The following DYNC1H1 variants were observed in gnomAD, a reference collection of about 807,000 sequenced individuals.
The protein encoded by DYNC1H1 is dynein cytoplasmic 1 heavy chain 1.
Under a neutral mutation model 527.1 loss-of-function variants are expected in DYNC1H1, and 51 were observed. The observed-to-expected ratio is 0.10, with a 90% CI of 0.08 to 0.12. The LOEUF (loss-of-function observed/expected upper bound fraction) is 0.12. DYNC1H1 is among the 10% of genes least tolerant of loss of function. The pLI is 1.00. For missense variants in DYNC1H1, 2,771 were observed against 5,971.8 expected (o/e 0.46, Z 17.66); for synonymous variants, 2,189 against 2,278.8 (o/e 0.96, Z 1.12).
At position 101,983,672 on chromosome 14, in the gene DYNC1H1, G is replaced by GTT. The variant is rs368383689; in HGVS notation, c.1461+72_1461+73dup. The GTT allele has an allele frequency of 2.5e-4, 334 of 1,333,260 alleles. No individual in the cohort carries two copies. The highest frequency in any genetic ancestry group is 2.2e-3 in the African/African-American group (142 of 63,418). 82.6% of individuals were successfully genotyped at this position (1,333,260 alleles called of 1,614,324 possible). On this transcript the variant is annotated intron_variant, in intron 7 of 77. Coordinates refer to ENST00000360184, the MANE Select transcript of DYNC1H1 (RefSeq NM_001376.5). The surrounding 1 kb of genome is among the most constrained non-coding windows in gnomAD (Gnocchi z 5.3). ...GTTTTTGTTTTGTTTTTTGTTTGGT[G>GTT]TTTTTTTTTTGTTGTTGTTGTTGAG...
chr14:102,029,802 T>C lies in DYNC1H1; in HGVS notation c.9643-17T>C. On this transcript the variant is annotated splice_polypyrimidine_tract_variant and intron_variant, in intron 49 of 77. Transcript: ENST00000360184. This position sits in a 1 kb window ranked among gnomAD's most constrained non-coding sequence, Gnocchi z 5.3. ...TCTGCATGTTTCTCGTCTCTGAGTG[T>C]GGGCTTTGCTCTTTAGGTAGAAGAA... 6.2e-7 allele frequency: 1 copy of C among 1,614,128 alleles called. No homozygotes were observed. Among genetic ancestry groups the C allele is most frequent in the Non-Finnish European group, 8.5e-7 (1 of 1,180,016 alleles).
In DYNC1H1 at chr14:102,012,492, G is replaced by T; in HGVS notation, c.7014+22G>T. The T allele has an allele frequency of 1.2e-6, 2 of 1,614,072 alleles. No homozygotes were observed. Among genetic ancestry groups the T allele is most frequent in the Non-Finnish European group, 8.5e-7 (1 of 1,179,992 alleles). ...CAATGTAAGTAGCCTTTTGTATGTC[G>T]TCAACTGAATAATTCCTTTTGGCCA... On this transcript the variant is annotated intron_variant, in intron 34 of 77. Coordinates refer to ENST00000360184, the MANE Select transcript of DYNC1H1 (RefSeq NM_001376.5). This position sits in a 1 kb window ranked among gnomAD's most constrained non-coding sequence, Gnocchi z 4.9.
chr14:102,021,064 T>C (rs1246162851), intron 42 of DYNC1H1, among the ~76,000 whole-genome samples: 1 of 152,124 alleles, frequency 6.6e-6, no homozygotes, highest in African/African-American at 2.4e-5. Flanking sequence ...GTCAGCTACC[T>C]TCACTCTCCC....
intron 1 of DYNC1H1, among the ~76,000 whole-genome samples, chr14:101,968,567 T>G (rs979493997): frequency 6.6e-6 from 1 of 152,196 alleles, no homozygotes; most frequent in Admixed American, 6.5e-5. Context: ...TGTTTGAGAC[T>G]TGGAATTTTT....
Position 102,041,453 on chromosome 14 carries a change from G to A in DYNC1H1, c.11942-121G>A, listed in dbSNP as rs1318417519. ...GATGTGGCTGAATTTCCTGATTTGA[G>A]CTGATCCTGAAATGCTGAGCATTTG... is the stretch of plus-strand genomic sequence containing the variant. On this transcript the variant is annotated intron_variant, in intron 64 of 77. Coordinates refer to ENST00000360184, the MANE Select transcript of DYNC1H1 (RefSeq NM_001376.5). The surrounding 1 kb of genome is among the most constrained non-coding windows in gnomAD (Gnocchi z 4.5). 6.6e-6 allele frequency: 10 copies of A among 1,520,918 alleles called. No homozygotes were observed. The highest frequency in any genetic ancestry group is 2.7e-5 in the African/African-American group (2 of 73,002). The allele number at this position is 1,520,918 out of a possible 1,614,324, so 94.2% of individuals were successfully genotyped here.
rs2047850774 is a variant in DYNC1H1, at chr14:101,980,471, C to T, written c.882C>T (p.Ser294=). 6.2e-7 allele frequency: 1 copy of T among 1,614,168 alleles called. No homozygotes were observed. Among genetic ancestry groups the T allele is most frequent in the Non-Finnish European group, 8.5e-7 (1 of 1,180,032 alleles). The part of the protein sequence containing the change: ...ALYRIQEKRE[S]PEVLLTLDIL... ...ACCGCATCCAGGAGAAACGGGAGAG[C>T]CCGGAAGTTCTCCTGACTCTGGATA... The change falls in exon 5 of 78, where the codon AGC becomes AGT. Residue 294 remains serine (S), a synonymous_variant. Coordinates refer to ENST00000360184, the MANE Select transcript of DYNC1H1 (RefSeq NM_001376.5).
rs539759010 is a variant in DYNC1H1 at position 102,007,748 on chromosome 14, A to G, written c.5818-430A>G. Among the ~76,000 whole-genome samples, 4 of 152,320 alleles carry G rather than the reference A, an allele frequency of 2.6e-5. No individual in the cohort carries two copies. The East Asian group carries it at 5.8e-4, about 22-fold the overall frequency. ...TGAAGCCAGCACTGAGGCAGGTGGT[A>G]TGGTAGTCTGCTCAGGCCACCATAT... On this transcript the variant is annotated intron_variant, in intron 28 of 77. Coordinates refer to ENST00000360184, the MANE Select transcript of DYNC1H1 (RefSeq NM_001376.5).
Position 101,994,221 on chromosome 14 carries a change from T to A in DYNC1H1, c.3053T>A (p.Phe1018Tyr), listed in dbSNP as rs1318726169. The A allele has an allele frequency of 6.2e-7, 1 of 1,614,104 alleles. No homozygotes were observed. Among genetic ancestry groups the A allele is most frequent in the African/African-American group, 1.3e-5 (1 of 74,938 alleles). The change falls in exon 12 of 78, where the codon TTC becomes TAC. Residue 1018 changes from phenylalanine (F) to tyrosine (Y), a missense_variant. Physicochemically the swap from Phe to Tyr is conservative, Grantham distance 22. Around this residue, in one of 32 missense-constraint regions of DYNC1H1, gnomAD observed 179 missense variants for 349.4 expected, o/e 0.51. Transcript: ENST00000360184. ...TACGAATTGACTGAGGAAGAGAAAT[T>A]CTATCGGAATGCTTTAACACGGATG... The part of the protein sequence containing the change: ...VHYELTEEEK[F>Y]YRNALTRMPD...
intron 27 of DYNC1H1, 120 bp downstream of exon 27, chr14:102,006,290 A>C (rs1429267120): frequency 1.4e-6 from 2 of 1,450,556 alleles, no homozygotes; most frequent in Non-Finnish European, 1.9e-6. Flanking sequence ...GCTGGAGCAC[A>C]GTGGTGCGAT....
Position 102,011,875 on chromosome 14 carries a change from G to C in DYNC1H1, c.6619G>C (p.Val2207Leu). Residue 2207 changes from valine to leucine, a missense_variant and splice_region_variant, in exon 33 of 78, where the codon GTT becomes CTT. Transcript: ENST00000360184. The surrounding 1 kb of genome is among the most constrained non-coding windows in gnomAD (Gnocchi z 5.3). Reference sequence around the variant, plus strand: ...TGTGCTGGTCTGTTGGGCCCTGCAGGTTCTCCAGCTCTATCAGATCACCCA... The same window carrying C: ...TGTGCTGGTCTGTTGGGCCCTGCAGCTTCTCCAGCTCTATCAGATCACCCA... ...EEVGGMWVEK[V>L]LQLYQITQIN... The C allele has an allele frequency of 6.2e-7, 1 of 1,614,146 alleles. No homozygotes were observed. The highest frequency in any genetic ancestry group is 8.5e-7 in the Non-Finnish European group (1 of 1,180,048).
chr14:101,996,715 G>A (rs1285798084), intron 15 of DYNC1H1, among the ~76,000 whole-genome samples: 4 of 152,046 alleles, frequency 2.6e-5, no homozygotes, highest in African/African-American at 7.2e-5. Flanking sequence ...TCAATCTCCC[G>A]GGCTCAAACA....
chr14:102,023,773 CAG>C (rs1197667808), intron 43 of DYNC1H1: 21 of 152,454 alleles, frequency 1.4e-4, no homozygotes, highest in African/African-American at 5.1e-4. Flanking sequence ...ACCCGGGAGA[CAG>C]AGGTTGCAGT....
chr14:101,997,406 TAAA>T lies in DYNC1H1; in HGVS notation c.3804+136_3804+138del. The stretch of plus-strand genomic sequence containing the variant: ...TGAAGACTCTTTTCCTTTTTGTAGT[TAAA>T]AAAGCAGATGGAGATAGCAAATGTG... On this transcript the variant is annotated intron_variant, in intron 16 of 77. Coordinates refer to ENST00000360184, the MANE Select transcript of DYNC1H1 (RefSeq NM_001376.5). The surrounding 1 kb of genome is among the most constrained non-coding windows in gnomAD (Gnocchi z 4.8). 2.7e-6 allele frequency: 4 copies of T among 1,481,330 alleles called. No homozygotes were observed. Among genetic ancestry groups the T allele is most frequent in the Non-Finnish European group, 3.6e-6 (4 of 1,096,664 alleles). The allele number at this position is 1,481,330 out of a possible 1,614,324, so 91.8% of individuals were successfully genotyped here.
At chr14:101,995,604 C>A (rs2048051294) in intron 15 of DYNC1H1, among the ~76,000 whole-genome samples, 1 of 149,112 alleles carries the variant, frequency 6.7e-6, no homozygotes, top group Admixed American at 6.7e-5. Flanking sequence ...GAGTGAGACT[C>A]CGTCTCAAAA....
chr14:102,047,641 G>GTATATATATA lies in DYNC1H1; in HGVS notation c.13007-162_13007-153dup, dbSNP rs71116874. 346 of 316,694 alleles carry GTATATATATA rather than the reference G, an allele frequency of 1.1e-3. 6 individuals are homozygous for GTATATATATA. Among genetic ancestry groups the GTATATATATA allele is most frequent in the African/African-American group, 0.011 (268 of 25,522 alleles). The allele number at this position is 316,694 out of a possible 1,614,324, so 19.6% of individuals were successfully genotyped here. Reference sequence around the variant, plus strand: ...TACACGTGTGTGTGTGTGTGTGTGTGTATATATATATATATATATATATGT... The same window carrying GTATATATATA: ...TACACGTGTGTGTGTGTGTGTGTGTGTATATATATATATATATATATATATATATATATGT... On this transcript the variant is annotated intron_variant, in intron 72 of 77. Coordinates refer to ENST00000360184, the MANE Select transcript of DYNC1H1 (RefSeq NM_001376.5).
chr14:101,993,073 A>G (rs936777766), intron 11 of DYNC1H1, among the ~76,000 whole-genome samples: 14 of 149,134 alleles, frequency 9.4e-5, no homozygotes, highest in African/African-American at 3.2e-4. Context: ...CCACTTGGCT[A>G]TCTCGGAGTC....
chr14:102,034,221 C>A, intron 55 of DYNC1H1, 33 bp downstream of exon 55: 1 of 1,614,126 alleles, frequency 6.2e-7, no homozygotes, highest in South Asian at 1.1e-5. Context: ...AAAGGATGTG[C>A]GAGCAGTGTG....
rs760845688 is a variant in DYNC1H1, at chr14:102,026,576, T to G, written c.8640T>G (p.Asp2880Glu). The G allele has an allele frequency of 6.2e-7, 1 of 1,614,158 alleles. No individual in the cohort carries two copies. The highest frequency in any genetic ancestry group is 1.7e-5 in the Admixed American group (1 of 60,022). Residue 2880 changes from aspartate to glutamate, a missense_variant and splice_region_variant, in exon 44 of 78, where the codon GAT becomes GAG. Physicochemically the swap from Asp to Glu is conservative, Grantham distance 45. Coordinates refer to ENST00000360184, the MANE Select transcript of DYNC1H1 (RefSeq NM_001376.5). ...PILYSNWLSKDYIPVDQEELR... is the reference protein window; with the variant it reads ...PILYSNWLSKEYIPVDQEELR... ...GGGTATTACCTTTTTTTCTATAGGA[T>G]TACATCCCAGTAGACCAAGAAGAGT...
chr14:101,970,019 G>GTAT (rs2047713605), intron 1 of DYNC1H1, among the ~76,000 whole-genome samples: 1 of 152,108 alleles, frequency 6.6e-6, no homozygotes, highest in African/African-American at 2.4e-5. Context: ...CAGTGCCTTG[G>GTAT]TATCTGTTAT....
Sources: allele counts gnomAD v4.1 joint callset (sites outside exome capture counted in the v4.1 genomes callset), GRCh38; gene constraint gnomAD v4.1.1; regional missense constraint gnomAD v4.1.1; non-coding constraint Gnocchi (gnomAD v3.1); transcripts MANE v1.5; gene names NCBI Gene and HGNC (gene_info 2026-07-23, HGNC 2026-07-21).